HSDL2: variants seen among roughly 807,000 people sequenced by gnomAD.
HSDL2 encodes the protein hydroxysteroid dehydrogenase like 2.
Under a neutral mutation model 46.3 loss-of-function variants are expected in HSDL2, and 27 were observed. That is an observed-to-expected ratio of 0.58 (90% confidence interval 0.43 to 0.80). The LOEUF is 0.80. Among genes scored for constraint, HSDL2 ranks in the 30% least tolerant of loss-of-function variants. The pLI is 0.00. For missense variants in HSDL2, 451 were observed against 502.7 expected (o/e 0.90, Z 0.98); for synonymous variants, 153 against 163.6 (o/e 0.94, Z 0.50).
chr9:112,405,928 A>G (rs1443275245), intron 3 of HSDL2, among the ~76,000 whole-genome samples: 1 of 152,184 alleles, frequency 6.6e-6, no homozygotes. Context: ...TGGGAGGCCG[A>G]GGCAGGCAGA....
intron 1 of HSDL2, among the ~76,000 whole-genome samples, chr9:112,390,105 A>AGT (rs1831308656): frequency 9.6e-6 from 1 of 104,186 alleles, no homozygotes; most frequent in Admixed American, 1.1e-4. Flanking sequence ...AATAAAGTAA[A>AGT]AAATAAAATA....
chr9:112,465,260 C>T (rs953109534), intron 10 of HSDL2, among the ~76,000 whole-genome samples: 2 of 152,146 alleles, frequency 1.3e-5, no homozygotes, highest in African/African-American at 4.8e-5. Context: ...TCCTGGGTAG[C>T]TGGGATTACA....
At chr9:112,448,521 CTCCT>C (rs1426482642) in intron 8 of HSDL2, among the ~76,000 whole-genome samples, 8 of 1,254 alleles carry the variant, frequency 6.4e-3, no homozygotes, top group African/African-American at 0.012. Flanking sequence ...TCTTTCTTTC[CTCCT>C]TTCTTTCTTT....
At chr9:112,469,774 G>A (rs1056021550) in intron 10 of HSDL2, 2 of 151,540 alleles carry the variant, frequency 1.3e-5, no homozygotes, top group Admixed American at 6.6e-5. Flanking sequence ...CCTTGAGCAA[G>A]CCAAAATCCT....
At chr9:112,440,164 T>A (rs1187799800) in intron 7 of HSDL2, among the ~76,000 whole-genome samples, 1 of 152,096 alleles carries the variant, frequency 6.6e-6, no homozygotes, top group Non-Finnish European at 1.5e-5. Context: ...AAAGACACAG[T>A]GTAATTGTGC....
chr9:112,391,766 G>T (rs112409613), intron 1 of HSDL2, among the ~76,000 whole-genome samples: 4,086 of 151,760 alleles, frequency 0.027, 145 homozygotes, highest in East Asian at 0.1. Context: ...TCAGCTGGGT[G>T]TAGTGGCACA....
intron 6 of HSDL2, among the ~76,000 whole-genome samples, chr9:112,426,020 C>T (rs920840094): frequency 6.2e-4 from 94 of 152,224 alleles, no homozygotes; most frequent in African/African-American, 1.9e-3. Flanking sequence ...GCATTACAGG[C>T]GTGAGCTACT....
At chr9:112,456,204 C>T (rs949337058) in intron 9 of HSDL2, among the ~76,000 whole-genome samples, 1 of 152,158 alleles carries the variant, frequency 6.6e-6, no homozygotes, top group Non-Finnish European at 1.5e-5. Context: ...AAAACAGAAC[C>T]CAGTGACAAT....
At chr9:112,395,850 A>G (rs1038073067) in intron 1 of HSDL2, among the ~76,000 whole-genome samples, 5 of 152,222 alleles carry the variant, frequency 3.3e-5, no homozygotes, top group Non-Finnish European at 7.3e-5. Flanking sequence ...GTAACTGTTC[A>G]GAAACCAATT....
chr9:112,464,581 G>C (rs939799596), intron 10 of HSDL2, among the ~76,000 whole-genome samples: 1 of 151,876 alleles, frequency 6.6e-6, no homozygotes, highest in Non-Finnish European at 1.5e-5. Flanking sequence ...TATTGATTTT[G>C]TATCATTTGA....
At chr9:112,465,720 C>T (rs1036518567) in intron 10 of HSDL2, among the ~76,000 whole-genome samples, 18 of 152,212 alleles carry the variant, frequency 1.2e-4, no homozygotes, top group Non-Finnish European at 4.4e-5. Flanking sequence ...CAAGCTGTAG[C>T]ATGTATCAGC....
At chr9:112,399,424 G>A (rs1249585681) in intron 1 of HSDL2, among the ~76,000 whole-genome samples, 1 of 152,182 alleles carries the variant, frequency 6.6e-6, no homozygotes, top group Non-Finnish European at 1.5e-5. Flanking sequence ...TCTATGTTCA[G>A]TGGTGCACGT....
At chr9:112,460,059 G>T (rs1408528558) in intron 10 of HSDL2, among the ~76,000 whole-genome samples, 1 of 152,164 alleles carries the variant, frequency 6.6e-6, no homozygotes, top group African/African-American at 2.4e-5. Flanking sequence ...AGAACCTTTT[G>T]TGTGATTTTC....
At chr9:112,453,834 GTGTT>G (rs534561818) in intron 8 of HSDL2, among the ~76,000 whole-genome samples, 175 bp from the exon 9 acceptor site, 95 of 152,284 alleles carry the variant, frequency 6.2e-4, no homozygotes, top group African/African-American at 2.1e-3. Context: ...TAATTGATGT[GTGTT>G]TGACTGTTAT....
chr9:112,414,289 A>G (rs1474231144), intron 4 of HSDL2, among the ~76,000 whole-genome samples: 1 of 152,232 alleles, frequency 6.6e-6, no homozygotes, highest in Non-Finnish European at 1.5e-5. Context: ...AGGAACCTCT[A>G]GTTTTTACAC....
intron 1 of HSDL2, among the ~76,000 whole-genome samples, chr9:112,391,059 C>A (rs990175809): frequency 6.6e-6 from 1 of 151,908 alleles, no homozygotes; most frequent in South Asian, 2.1e-4. Flanking sequence ...GCCTGTAATC[C>A]CAACTATTTA....
rs145281264 is a variant in HSDL2 at position 112,389,340 on chromosome 9, G to A, written c.17+9160G>A. On this transcript the variant is annotated intron_variant, in intron 1 of 10. Coordinates refer to ENST00000398805, the MANE Select transcript of HSDL2 (RefSeq NM_032303.5). ...CCTGGCCTCAAATCACTCTTAAGTG[G>A]TTTGGAGAAAATAAGATATAGAGAA... Among the ~76,000 whole-genome samples, 163 of 152,250 alleles carry A rather than the reference G, an allele frequency of 1.1e-3. 1 individual carries two copies. Among genetic ancestry groups the A allele is most frequent in the African/African-American group, 3.8e-3 (158 of 41,536 alleles).
At chr9:112,417,129 G>C (rs1030872049) in intron 5 of HSDL2, among the ~76,000 whole-genome samples, 185 bp downstream of exon 5, 1 of 152,008 alleles carries the variant, frequency 6.6e-6, no homozygotes, top group African/African-American at 2.4e-5. Context: ...AAAAATTGAG[G>C]CATAATTGAC....
rs1831433795 is a variant in HSDL2 at position 112,395,413 on chromosome 9, G to A, written c.18-8582G>A. On this transcript the variant is annotated intron_variant, in intron 1 of 10. Transcript: ENST00000398805. The stretch of plus-strand genomic sequence containing the variant: ...AACGCAAGCATACCCTCTTCCCCAC[G>A]TTATAATTGTTCCAGGTTCCCAGGT... 1.3e-5 allele frequency among the ~76,000 whole-genome samples: 2 copies of A among 152,196 alleles called. 1 individual carries two copies. The highest frequency in any genetic ancestry group is 4.1e-4 in the South Asian group (2 of 4,838).
Sources: gnomAD v4.1 joint callset for allele counts (sites outside exome capture counted in the v4.1 genomes callset) on GRCh38, gnomAD v4.1.1 for gene constraint, MANE v1.5 for transcripts, NCBI Gene and HGNC (gene_info 2026-07-23, HGNC 2026-07-21) for gene names.